PHACTR2: variants seen among roughly 807,000 people sequenced by gnomAD.
PHACTR2 encodes the protein phosphatase and actin regulator 2.
In PHACTR2, 30 loss-of-function variants were observed where a neutral mutation model predicts 76.0. The observed-to-expected ratio is 0.39, with a 90% confidence interval of 0.30 to 0.54. The LOEUF (loss-of-function observed/expected upper bound fraction) is 0.54, where lower values mean the gene tolerates loss of function less well. Among genes scored for constraint, PHACTR2 ranks in the 20% least tolerant of loss-of-function variants. The probability of loss-of-function intolerance (pLI) is 0.61; values close to 1 mark genes in which losing one functional copy is unlikely to be tolerated. For synonymous variants in PHACTR2, 292 were observed against 292.5 expected (o/e 1.00, Z 0.02); for missense variants, 696 against 781.1 (o/e 0.89, Z 1.30).
intron 1 of PHACTR2, among the ~76,000 whole-genome samples, chr6:143,699,810 C>T (rs1196342329): frequency 6.6e-6 from 1 of 152,194 alleles, no homozygotes; most frequent in African/African-American, 2.4e-5. Context: ...CGCTCCTTCT[C>T]TCCAAGTTCA....
chr6:143,560,881 G>GT (rs1386414448), intron 1 of PHACTR2, among the ~76,000 whole-genome samples: 2 of 123,100 alleles, frequency 1.6e-5, no homozygotes, highest in Non-Finnish European at 3.3e-5. Flanking sequence ...CAAAGCAGAG[G>GT]GGTGTGTGTG....
In PHACTR2 at chr6:143,537,579, T is replaced by C. The variant is rs1403545536; in HGVS notation, c.217+372T>C. Among the ~76,000 whole-genome samples, 5 of 152,182 alleles carry C rather than the reference T, an allele frequency of 3.3e-5. No individual in the cohort carries two copies. The highest frequency in any genetic ancestry group is 7.4e-5 in the Non-Finnish European group (5 of 68,020). On this transcript the variant is annotated intron_variant, in intron 1 of 11. Coordinates refer to the PHACTR2 transcript ENST00000367584. The surrounding 1 kb of genome is among the most constrained non-coding windows in gnomAD (Gnocchi z 4.4). ...ACATTCTCGGTCTTCGGCGCGACTT[T>C]GGTCCCTCGGAAGGGTGCGGTTCCC... is the stretch of plus-strand genomic sequence containing the variant.
At chr6:143,717,571 T>C (rs1010992536) in intron 2 of PHACTR2, among the ~76,000 whole-genome samples, 8 of 141,806 alleles carry the variant, frequency 5.6e-5, no homozygotes, top group Non-Finnish European at 1.2e-4. Flanking sequence ...CTTTAGGACT[T>C]TTTTTTTTTT....
chr6:143,612,676 T>C (rs1057402257), intron 1 of PHACTR2, among the ~76,000 whole-genome samples: 2 of 152,164 alleles, frequency 1.3e-5, no homozygotes, highest in Non-Finnish European at 2.9e-5. Flanking sequence ...TATATGTACG[T>C]ATGTGTGGAT....
At chr6:143,675,754 T>C (rs940197989), upstream of PHACTR2, among the ~76,000 whole-genome samples, 2 of 152,214 alleles carry the variant, frequency 1.3e-5, no homozygotes, top group African/African-American at 4.8e-5. This position sits in a 1 kb window ranked among gnomAD's most constrained non-coding sequence, Gnocchi z 4.9. Flanking sequence ...GAAATGTCCA[T>C]GCCTTTCAGA....
At position 143,639,680 on chromosome 6, in the gene PHACTR2, A is replaced by G. The variant is rs141948504; in HGVS notation, c.13+31358A>G. 1.5e-3 allele frequency among the ~76,000 whole-genome samples: 226 copies of G among 152,322 alleles called. No homozygotes were observed. Among genetic ancestry groups the G allele is most frequent in the African/African-American group, 5.1e-3 (213 of 41,572 alleles). ...TAAGGATAGCGATGGTTTGAGCAAG[A>G]CAGTTGACAAGCTTGATGTAATTGA... is the stretch of plus-strand genomic sequence containing the variant. On this transcript the variant is annotated intron_variant, in intron 1 of 11. Transcript: ENST00000305766. This position sits in a 1 kb window ranked among gnomAD's most constrained non-coding sequence, Gnocchi z 5.0.
intron 1 of PHACTR2, among the ~76,000 whole-genome samples, chr6:143,705,297 T>A (rs1778024466): frequency 6.8e-6 from 1 of 147,210 alleles, no homozygotes; most frequent in African/African-American, 2.5e-5. Context: ...TTTTGCATTT[T>A]TTTTTTTTTT....
intron 1 of PHACTR2, among the ~76,000 whole-genome samples, chr6:143,612,322 A>G (rs905807765): frequency 1.5e-4 from 23 of 152,184 alleles, no homozygotes; most frequent in African/African-American, 5.5e-4. Flanking sequence ...AAGACATTTC[A>G]TTTCAAGCTG....
At chr6:143,655,808 C>T (rs950434844) in intron 1 of PHACTR2, among the ~76,000 whole-genome samples, 1 of 152,216 alleles carries the variant, frequency 6.6e-6, no homozygotes. Flanking sequence ...CATGAAAGTT[C>T]TTCGGAATTT....
chr6:143,683,846 T>C lies in PHACTR2; in HGVS notation c.46+5637T>C, dbSNP rs1445087959. Among the ~76,000 whole-genome samples, 1 of 152,210 alleles carries C rather than the reference T, an allele frequency of 6.6e-6. No individual in the cohort carries two copies. The highest frequency in any genetic ancestry group is 1.5e-5 in the Non-Finnish European group (1 of 68,040). ...ATCCTCCAGTCCCACTTTTCATCTATAACCCAGCATGAACAGTTTTTTTCA... is the reference window on the plus strand; with the variant it reads ...ATCCTCCAGTCCCACTTTTCATCTACAACCCAGCATGAACAGTTTTTTTCA... On this transcript the variant is annotated intron_variant, in intron 1 of 12. Transcript: ENST00000440869. The surrounding 1 kb of genome is among the most constrained non-coding windows in gnomAD (Gnocchi z 4.1).
rs916903529 is a variant in PHACTR2, at chr6:143,537,391, C to T, written c.217+184C>T. On this transcript the variant is annotated intron_variant, in intron 1 of 11. Transcript: ENST00000367584. This position sits in a 1 kb window ranked among gnomAD's most constrained non-coding sequence, Gnocchi z 4.4. Reference sequence around the variant, plus strand: ...ACTGCCGCCTCCTCGGCCGCCCGGGCTCGGCGACCCTAGGCGGAAGATGCT... The same window carrying T: ...ACTGCCGCCTCCTCGGCCGCCCGGGTTCGGCGACCCTAGGCGGAAGATGCT... 1.3e-5 allele frequency among the ~76,000 whole-genome samples: 2 copies of T among 152,110 alleles called. No individual in the cohort carries two copies. Among genetic ancestry groups the T allele is most frequent in the East Asian group, 1.9e-4 (1 of 5,150 alleles).
rs1014854067 is a variant in PHACTR2 at position 143,597,159 on chromosome 6, A to G, written c.217+59952A>G. Among the ~76,000 whole-genome samples, 3 of 152,196 alleles carry G rather than the reference A, an allele frequency of 2.0e-5. No homozygotes were observed. Among genetic ancestry groups the G allele is most frequent in the African/African-American group, 7.2e-5 (3 of 41,516 alleles). On this transcript the variant is annotated intron_variant, in intron 1 of 11. Transcript: ENST00000367584. The surrounding 1 kb of genome is among the most constrained non-coding windows in gnomAD (Gnocchi z 5.7). The stretch of plus-strand genomic sequence containing the variant: ...TGGAAGAACACATTCTCTTGGGAAA[A>G]CCCATTGTAGGGAGGGACAGGAATG...
intron 10 of PHACTR2, among the ~76,000 whole-genome samples, chr6:143,786,088 T>C (rs989366882): frequency 3.3e-5 from 5 of 152,246 alleles, no homozygotes; most frequent in Admixed American, 6.5e-5. Flanking sequence ...TGCTGCATCC[T>C]CAGGCTGCAA....
chr6:143,717,903 G>T, intron 2 of PHACTR2, among the ~76,000 whole-genome samples: 1 of 151,968 alleles, frequency 6.6e-6, no homozygotes, highest in Admixed American at 6.6e-5. Flanking sequence ...AGAAATTGAA[G>T]ATTTTAAAAA....
rs548795698 is a variant in PHACTR2, at chr6:143,805,009, T to C, written c.1846-2048T>C. 4.1e-4 allele frequency among the ~76,000 whole-genome samples: 63 copies of C among 152,320 alleles called. 1 individual carries two copies. Among genetic ancestry groups the C allele is most frequent in the African/African-American group, 1.5e-3 (62 of 41,568 alleles). Reference sequence around the variant, plus strand: ...TTTTCCAGATAAGAAAATTGGGGTTTGGAGTGAAGTGACTCACTAAGGGTC... The same window carrying C: ...TTTTCCAGATAAGAAAATTGGGGTTCGGAGTGAAGTGACTCACTAAGGGTC... On this transcript the variant is annotated intron_variant, in intron 11 of 12. Coordinates refer to ENST00000440869, the MANE Select transcript of PHACTR2 (RefSeq NM_001100164.2).
chr6:143,772,183 C>G lies in PHACTR2; in HGVS notation c.1233-75C>G, dbSNP rs1775167183. 2 of 1,046,236 alleles carry G rather than the reference C, an allele frequency of 1.9e-6. No individual in the cohort carries two copies. Among genetic ancestry groups the G allele is most frequent in the African/African-American group, 1.6e-5 (1 of 63,902 alleles). 64.8% of individuals were successfully genotyped at this position (1,046,236 alleles called of 1,614,324 possible). A position where few individuals can be genotyped will look rare whatever the true frequency, so the allele number is the denominator to read the frequency against. Reference sequence around the variant, plus strand: ...GAAGGAAGCCCATGAAACTAGAGCTCTTTTTCTTAGTGTCAGTGCCGCCAA... The same window carrying G: ...GAAGGAAGCCCATGAAACTAGAGCTGTTTTTCTTAGTGTCAGTGCCGCCAA... On this transcript the variant is annotated intron_variant, in intron 6 of 12. Transcript: ENST00000440869. This position sits in a 1 kb window ranked among gnomAD's most constrained non-coding sequence, Gnocchi z 5.4.
chr6:143,640,977 G>C (rs12192270), intron 1 of PHACTR2, among the ~76,000 whole-genome samples: 28,232 of 152,106 alleles, frequency 0.19, 2,832 homozygotes, highest in Middle Eastern at 0.26. Flanking sequence ...TTATGCTTCT[G>C]TAACAGAATA....
In PHACTR2 at chr6:143,558,706, C is replaced by T. The variant is rs959592150; in HGVS notation, c.217+21499C>T. The stretch of plus-strand genomic sequence containing the variant: ...GATACATTCATGCGTTTTTCCAATG[C>T]GAGGAGGTAGAGATCGTTTTACAAA... On this transcript the variant is annotated intron_variant, in intron 1 of 11. Coordinates refer to the PHACTR2 transcript ENST00000367584. The surrounding 1 kb of genome is among the most constrained non-coding windows in gnomAD (Gnocchi z 4.7). Among the ~76,000 whole-genome samples the T allele has an allele frequency of 6.6e-6, 1 of 152,130 alleles. No individual in the cohort carries two copies. The highest frequency in any genetic ancestry group is 1.5e-5 in the Non-Finnish European group (1 of 68,020).
At chr6:143,752,370 C>T (rs1779201667) in intron 3 of PHACTR2, among the ~76,000 whole-genome samples, 1 of 151,936 alleles carries the variant, frequency 6.6e-6, no homozygotes, top group Non-Finnish European at 1.5e-5. Context: ...GTGTTCTCCT[C>T]CTTTTTATAG....
Sources: allele counts gnomAD v4.1 joint callset (sites outside exome capture counted in the v4.1 genomes callset), GRCh38; gene constraint gnomAD v4.1.1; non-coding constraint Gnocchi (gnomAD v3.1); transcripts MANE v1.5; gene names NCBI Gene and HGNC (gene_info 2026-07-23, HGNC 2026-07-21).